Variants in MIPEP observed in about 807,000 individuals in gnomAD.
The protein encoded by MIPEP is mitochondrial intermediate peptidase.
In MIPEP, 79 loss-of-function variants were observed where a neutral mutation model predicts 90.3. The observed-to-expected ratio is 0.87, with a 90% CI of 0.73 to 1.05. MIPEP has a LOEUF of 1.05. Among genes scored for constraint, MIPEP ranks in the 50% least tolerant of loss-of-function variants. MIPEP has a pLI of 0.00. For missense variants in MIPEP, 940 were observed against 905.6 expected (o/e 1.04, Z -0.49); for synonymous variants, 334 against 315.8 (o/e 1.06, Z -0.61).
At chr13:23,847,077 G>GA (rs1869580176) in intron 10 of MIPEP, among the ~76,000 whole-genome samples, 1 of 151,800 alleles carries the variant, frequency 6.6e-6, no homozygotes, top group Admixed American at 6.6e-5. Flanking sequence ...CATGGAAGTT[G>GA]AAAAAAAATC....
chr13:23,746,256 C>A (rs1952382208), intron 18 of MIPEP, among the ~76,000 whole-genome samples: 1 of 151,610 alleles, frequency 6.6e-6, no homozygotes, highest in African/African-American at 2.4e-5. Context: ...TCAGGTGATC[C>A]ACCCATCTCA....
At chr13:23,847,424 G>A (rs769087966) in intron 10 of MIPEP, among the ~76,000 whole-genome samples, 6 of 147,768 alleles carry the variant, frequency 4.1e-5, no homozygotes, top group African/African-American at 1.0e-4. Context: ...CATGGTAAGC[G>A]CCGTCAAAAA....
At chr13:23,802,335 G>T (rs1953053239) in intron 16 of MIPEP, among the ~76,000 whole-genome samples, 1 of 152,142 alleles carries the variant, frequency 6.6e-6, no homozygotes, top group South Asian at 2.1e-4. Flanking sequence ...AGCACTTTGG[G>T]AGGTGGAAGC....
At chr13:23,813,464 GTGTA>G (rs1203145277) in intron 14 of MIPEP, among the ~76,000 whole-genome samples, 1 of 152,072 alleles carries the variant, frequency 6.6e-6, no homozygotes, top group African/African-American at 2.4e-5. Context: ...AGTTGTTATA[GTGTA>G]TGTTTTAGAA....
intron 18 of MIPEP, among the ~76,000 whole-genome samples, chr13:23,747,044 G>T (rs865873236): frequency 2.0e-5 from 3 of 152,224 alleles, no homozygotes; most frequent in Non-Finnish European, 2.9e-5. Flanking sequence ...GCTAAGAGGT[G>T]TCGAGGAGTG....
At chr13:23,772,159 T>G (rs1952659583) in intron 16 of MIPEP, among the ~76,000 whole-genome samples, 1 of 152,210 alleles carries the variant, frequency 6.6e-6, no homozygotes, top group African/African-American at 2.4e-5. Flanking sequence ...ACCACCTGTA[T>G]TTTGTTCAGA....
chr13:23,757,439 A>C (rs1952500122), intron 17 of MIPEP, among the ~76,000 whole-genome samples: 1 of 152,200 alleles, frequency 6.6e-6, no homozygotes, highest in Non-Finnish European at 1.5e-5. Context: ...TTACAGAATA[A>C]GTAAAATATT....
intron 16 of MIPEP, among the ~76,000 whole-genome samples, chr13:23,776,743 CA>C (rs1952721696): frequency 6.6e-6 from 1 of 151,664 alleles, no homozygotes; most frequent in Non-Finnish European, 1.5e-5. Context: ...GATAAGTTAA[CA>C]TGGAGATTTT....
At chr13:23,748,244 T>C (rs73453370) in intron 18 of MIPEP, among the ~76,000 whole-genome samples, 3,607 of 152,324 alleles carry the variant, frequency 0.024, 163 homozygotes, top group African/African-American at 0.083. Context: ...ACAATTGCTC[T>C]TTTAAGTCTA....
At chr13:23,846,487 AT>A (rs879494460) in intron 10 of MIPEP, among the ~76,000 whole-genome samples, 5 of 151,490 alleles carry the variant, frequency 3.3e-5, no homozygotes, top group East Asian at 1.9e-4. Context: ...TGGATTTTGG[AT>A]TTTTTTTTCT....
chr13:23,840,757 C>T (rs1869258889), intron 11 of MIPEP, among the ~76,000 whole-genome samples: 1 of 152,100 alleles, frequency 6.6e-6, no homozygotes, highest in Non-Finnish European at 1.5e-5. Context: ...CAATACAAAG[C>T]CTTAGTGACA....
chr13:23,730,595 AGTCATG>A, intron 18 of MIPEP, 150 bp from the exon 19 acceptor site: 1 of 610,736 alleles, frequency 1.6e-6, no homozygotes. Context: ...CATTTTATAA[AGTCATG>A]GGCAGTGTGT....
At chr13:23,748,643 A>C (rs1952408387) in intron 18 of MIPEP, among the ~76,000 whole-genome samples, 1 of 152,212 alleles carries the variant, frequency 6.6e-6, no homozygotes, top group Non-Finnish European at 1.5e-5. Flanking sequence ...TTTAATATTT[A>C]ATGTATCTGT....
At chr13:23,856,694 T>G (rs938683051) in intron 10 of MIPEP, among the ~76,000 whole-genome samples, 15 of 152,282 alleles carry the variant, frequency 9.9e-5, no homozygotes, top group African/African-American at 3.6e-4. Context: ...GGCTGGTTTC[T>G]TTACTTCATT....
chr13:23,835,204 A>G (rs1174875912), intron 14 of MIPEP, among the ~76,000 whole-genome samples: 2 of 151,878 alleles, frequency 1.3e-5, no homozygotes, highest in African/African-American at 4.8e-5. Context: ...TATTTTTAGT[A>G]GACACGGGGT....
intron 14 of MIPEP, among the ~76,000 whole-genome samples, chr13:23,829,142 C>T (rs868528367): frequency 3.3e-5 from 5 of 152,062 alleles, no homozygotes; most frequent in Admixed American, 6.6e-5. Context: ...AATGGATTCC[C>T]GCCTTATGCC....
Position 23,730,387 on chromosome 13 carries a change from C to T in MIPEP, c.2103G>A (p.Leu701=). Reference sequence around the variant, plus strand: ...TGAGGAAAGTTTCGAAGTCCAGATCCAAGTCGGAAACGAGGGCACTTACGA... The same window carrying T: ...TGAGGAAAGTTTCGAAGTCCAGATCTAAGTCGGAAACGAGGGCACTTACGA... ...DDFVSALVSD[L]DLDFETFLMD... Residue 701 remains leucine (L), a synonymous_variant, in exon 19 of 19, where the codon TTG becomes TTA. Coordinates refer to ENST00000382172, the MANE Select transcript of MIPEP (RefSeq NM_005932.4). The T allele has an allele frequency of 6.2e-7, 1 of 1,612,678 alleles. No individual in the cohort carries two copies. Among genetic ancestry groups the T allele is most frequent in the Non-Finnish European group, 8.5e-7 (1 of 1,179,072 alleles).
chr13:23,799,559 C>T (rs1181018182), intron 16 of MIPEP, among the ~76,000 whole-genome samples: 3 of 152,040 alleles, frequency 2.0e-5, no homozygotes, highest in Non-Finnish European at 2.9e-5. Context: ...ATCTCCTGAC[C>T]TCATGGTCCG....
intron 16 of MIPEP, among the ~76,000 whole-genome samples, chr13:23,771,514 T>C (rs1952650138): frequency 6.8e-6 from 1 of 147,338 alleles, no homozygotes; most frequent in South Asian, 2.2e-4. Flanking sequence ...AGGTAACATG[T>C]AACTAATTTG....
Sources: gnomAD v4.1 joint callset for allele counts (sites outside exome capture counted in the v4.1 genomes callset) on GRCh38, gnomAD v4.1.1 for gene constraint, MANE v1.5 for transcripts, NCBI Gene and HGNC (gene_info 2026-07-23, HGNC 2026-07-21) for gene names.